Variants in TRIM66 observed in about 807,000 individuals in gnomAD.
The protein encoded by TRIM66 is tripartite motif containing 66.
TRIM66 carries 99 observed loss-of-function variants against 148.2 expected under a neutral mutation model. The ratio of observed to expected loss-of-function variants is 0.67; its 90% CI spans 0.57 to 0.79. TRIM66 has a LOEUF of 0.79. TRIM66 is among the 30% of genes least tolerant of loss of function. The probability of loss-of-function intolerance (pLI) is 0.00; values close to 1 mark genes in which losing one functional copy is unlikely to be tolerated. For synonymous variants in TRIM66, 616 were observed against 635.9 expected, an observed-to-expected ratio of 0.97 and a Z score of 0.47; for missense variants, 1,666 against 1,697.9, an observed-to-expected ratio of 0.98 and a Z score of 0.33.
At chr11:8,623,614 T>G (rs748035850) in intron 17 of TRIM66, among the ~76,000 whole-genome samples, 1 of 152,160 alleles carries the variant, frequency 6.6e-6, no homozygotes, top group African/African-American at 2.4e-5. Flanking sequence ...TAAACACGCA[T>G]CATACATTGA....
chr11:8,660,072 G>A (rs2038143622), intron 6 of TRIM66, among the ~76,000 whole-genome samples: 1 of 152,064 alleles, frequency 6.6e-6, no homozygotes, highest in Admixed American at 6.6e-5. Flanking sequence ...TAGAGACAGG[G>A]CCTTACTATG....
chr11:8,683,016 G>C, upstream of TRIM66: 3 of 863,044 alleles, frequency 3.5e-6, no homozygotes, highest in Non-Finnish European at 5.4e-6. Context: ...GGATCTCTAG[G>C]ACACGCGGGC....
chr11:8,672,935 C>CTATT (rs774617497), intron 4 of TRIM66, among the ~76,000 whole-genome samples: 2 of 129,870 alleles, frequency 1.5e-5, no homozygotes. Flanking sequence ...CTGGCCCATA[C>CTATT]TCTTTTTTTT....
At chr11:8,661,384 T>C (rs2038243295) in intron 6 of TRIM66, among the ~76,000 whole-genome samples, 2 of 152,182 alleles carry the variant, frequency 1.3e-5, no homozygotes, top group South Asian at 2.1e-4. Flanking sequence ...AAAGTACAGG[T>C]AGGATGAGTC....
At chr11:8,669,101 G>A (rs541853870) in intron 6 of TRIM66, among the ~76,000 whole-genome samples, 1 of 152,238 alleles carries the variant, frequency 6.6e-6, no homozygotes, top group East Asian at 1.9e-4. Flanking sequence ...GTGATGAAGG[G>A]CACCATCATC....
chr11:8,632,209 G>A (rs1202971264), intron 15 of TRIM66, among the ~76,000 whole-genome samples: 1 of 152,130 alleles, frequency 6.6e-6, no homozygotes, highest in Non-Finnish European at 1.5e-5. Flanking sequence ...TCAGGAGGCT[G>A]AGGCAGGAGA....
rs1466424019 is a variant in TRIM66 at position 8,672,357 on chromosome 11, GC to G, written c.-84del. 3.5e-5 allele frequency: 54 copies of G among 1,526,774 alleles called. No homozygotes were observed. The highest frequency in any genetic ancestry group is 4.5e-5 in the Non-Finnish European group (51 of 1,143,962). The allele number at this position is 1,526,774 out of a possible 1,614,324, so 94.6% of individuals were successfully genotyped here. On this transcript the variant is annotated 5_prime_UTR_variant, in exon 5 of 25. Transcript: ENST00000646038. ...CCCTTCAAAAGTGTCCCGTACCTGT[GC>G]CTCTCCTTATTGGTAGACAAGCTTG...
chr11:8,677,121 T>G (rs1189472429), intron 3 of TRIM66, among the ~76,000 whole-genome samples: 1 of 152,182 alleles, frequency 6.6e-6, no homozygotes, highest in Non-Finnish European at 1.5e-5. Context: ...AATAAGAATT[T>G]CAAAGATTGT....
chr11:8,675,571 AG>A (rs779988593), intron 3 of TRIM66, among the ~76,000 whole-genome samples: 3 of 151,340 alleles, frequency 2.0e-5, no homozygotes, highest in Non-Finnish European at 2.9e-5. Context: ...TAGTAGAGAC[AG>A]GGTTTCTCCA....
chr11:8,677,183 G>T (rs2039215642), intron 3 of TRIM66, among the ~76,000 whole-genome samples: 1 of 152,126 alleles, frequency 6.6e-6, no homozygotes, highest in Non-Finnish European at 1.5e-5. Context: ...TCATTTTAGG[G>T]AGAAAATGTG....
rs2033524761 is a variant in TRIM66 at position 8,613,498 on chromosome 11, A to T, written c.*4446T>A. ...AGAACAGCTGAGGAAGAATCAGTTT[A>T]AAAAGGATCTTTTTAAAAGTAACTT... is the stretch of plus-strand genomic sequence containing the variant. On this transcript the variant is annotated 3_prime_UTR_variant, in exon 25 of 25. Coordinates refer to ENST00000646038, the MANE Select transcript of TRIM66 (RefSeq NM_001388022.1). The T allele has an allele frequency of 6.6e-6, 1 of 152,228 alleles. No homozygotes were observed. The highest frequency in any genetic ancestry group is 1.5e-5 in the Non-Finnish European group (1 of 68,050). The allele number at this position is 152,228 out of a possible 1,614,324, so 9.4% of individuals were successfully genotyped here. A position where few individuals can be genotyped will look rare whatever the true frequency, so the allele number is the denominator to read the frequency against.
rs1392393924 is a variant in TRIM66, at chr11:8,612,593, C to A, written c.*5351G>T. 6.6e-6 allele frequency: 1 copy of A among 152,182 alleles called. No homozygotes were observed. The highest frequency in any genetic ancestry group is 1.5e-5 in the Non-Finnish European group (1 of 68,050). The allele number at this position is 152,182 out of a possible 1,614,324, so 9.4% of individuals were successfully genotyped here. A position where few individuals can be genotyped will look rare whatever the true frequency, so the allele number is the denominator to read the frequency against. On this transcript the variant is annotated 3_prime_UTR_variant, in exon 25 of 25. Transcript: ENST00000646038. Reference sequence around the variant, plus strand: ...CCTCCAAGAAAGCAACCAATAGCTGCCTCCAACTCCAGAAACAACTGGAGC... The same window carrying A: ...CCTCCAAGAAAGCAACCAATAGCTGACTCCAACTCCAGAAACAACTGGAGC...
intron 21 of TRIM66, 150 bp downstream of exon 21, chr11:8,620,296 T>C: frequency 1.5e-6 from 2 of 1,375,196 alleles, no homozygotes; most frequent in Non-Finnish European, 2.0e-6. Context: ...GAAGGAAAAT[T>C]ATCCAAACAC....
At chr11:8,668,672 G>A (rs1435145958) in intron 6 of TRIM66, among the ~76,000 whole-genome samples, 14 of 151,254 alleles carry the variant, frequency 9.3e-5, no homozygotes, top group African/African-American at 2.2e-4. Flanking sequence ...TGCAATCTCC[G>A]CCTCCCGGGT....
rs111656735 is a variant in TRIM66, at chr11:8,680,456, C to CG, written c.-547-394_-547-393insC. Among the ~76,000 whole-genome samples, 726 of 85,398 alleles carry CG rather than the reference C, an allele frequency of 8.5e-3. 9 individuals carry two copies. The highest frequency in any genetic ancestry group is 0.026 in the African/African-American group (694 of 26,376). 56.0% of individuals were successfully genotyped at this position (85,398 alleles called of 152,430 possible). On this transcript the variant is annotated intron_variant, in intron 1 of 24. Coordinates refer to ENST00000646038, the MANE Select transcript of TRIM66 (RefSeq NM_001388022.1). ...GATATGATGGGGGCCTGAATGAAGG[C>CG]AGGGCACTAAGGCTTAAACAGAGGA...
intron 15 of TRIM66, among the ~76,000 whole-genome samples, chr11:8,632,096 T>C (rs2035457955): frequency 6.6e-6 from 1 of 151,996 alleles, no homozygotes; most frequent in African/African-American, 2.4e-5. Flanking sequence ...TCACCTGAGG[T>C]CAGGAGTTCG....
Position 8,621,051 on chromosome 11 carries a change from C to G in TRIM66, c.3526G>C (p.Ala1176Pro). ...KVFHLSCHVP[A>P]LLSFPGGEWV... ...ACTCACCCTGGGAAGCTGAGCAAGG[C>G]TGGCACATGGCAGGAGAGGTGGAAC... Residue 1176 changes from alanine to proline, a missense_variant, in exon 20 of 25, where the codon GCC (alanine) becomes CCC (proline). Transcript: ENST00000646038. 2 of 1,551,614 alleles carry G rather than the reference C, an allele frequency of 1.3e-6. No homozygotes were observed. Among genetic ancestry groups the G allele is most frequent in the Non-Finnish European group, 1.7e-6 (2 of 1,146,908 alleles).
At chr11:8,662,038 G>C (rs539031204) in intron 6 of TRIM66, among the ~76,000 whole-genome samples, 58 of 152,176 alleles carry the variant, frequency 3.8e-4, no homozygotes, top group Non-Finnish European at 7.3e-4. Flanking sequence ...CAGGGCCCTA[G>C]AGAGCCAATT....
chr11:8,632,803 CAAT>C (rs1274174622), intron 15 of TRIM66, among the ~76,000 whole-genome samples: 1 of 152,154 alleles, frequency 6.6e-6, no homozygotes, highest in Non-Finnish European at 1.5e-5. Context: ...CTCTTATTGA[CAAT>C]GAGTGTTCCT....
Sources: gnomAD v4.1 joint callset for allele counts (sites outside exome capture counted in the v4.1 genomes callset) on GRCh38, gnomAD v4.1.1 for gene constraint, MANE v1.5 for transcripts, NCBI Gene and HGNC (gene_info 2026-07-23, HGNC 2026-07-21) for gene names.